SLCO1B3: variants seen among roughly 807,000 people sequenced by gnomAD.
SLCO1B3 encodes liver-specific organic anion transporter 2.
A neutral mutation model predicts 71.8 loss-of-function variants in SLCO1B3; 72 were observed. The ratio of observed to expected loss-of-function variants is 1.00; its 90% confidence interval spans 0.83 to 1.22. SLCO1B3 has a LOEUF of 1.22. Among genes scored for constraint, SLCO1B3 ranks in the 50% most tolerant of loss-of-function variants. The probability of loss-of-function intolerance (pLI) is 0.00; values close to 1 mark genes in which losing one functional copy is unlikely to be tolerated. For synonymous variants in SLCO1B3, 298 were observed against 278.4 expected (o/e 1.07, Z -0.70); for missense variants, 911 against 819.7 (o/e 1.11, Z -1.36).
chr12:20,815,412 GT>G (rs1864175448), intron 2 of SLCO1B3, among the ~76,000 whole-genome samples: 1 of 151,814 alleles, frequency 6.6e-6, no homozygotes, highest in African/African-American at 2.4e-5. Context: ...CTAGTGTGTG[GT>G]TTTATATTAT....
At chr12:20,878,492 A>G (rs1055409295) in intron 10 of SLCO1B3, among the ~76,000 whole-genome samples, 1 of 152,168 alleles carries the variant, frequency 6.6e-6, no homozygotes, top group African/African-American at 2.4e-5. Context: ...AGGAAAGGTT[A>G]TCTTATATCC....
At chr12:20,815,591 T>C in intron 2 of SLCO1B3, 83 bp from the exon 3 acceptor site, 1 of 567,582 alleles carries the variant, frequency 1.8e-6, no homozygotes, top group African/African-American at 1.9e-5. Context: ...GATTGATTGA[T>C]TGATATTGAG....
At chr12:20,844,584 C>A (rs145243538) in intron 3 of SLCO1B3, among the ~76,000 whole-genome samples, 1 of 151,798 alleles carries the variant, frequency 6.6e-6, no homozygotes, top group African/African-American at 2.4e-5. Flanking sequence ...AAAAAAAATT[C>A]CATCTTGCAT....
chr12:20,823,474 A>G (rs1419802081), intron 3 of SLCO1B3, among the ~76,000 whole-genome samples: 2 of 152,224 alleles, frequency 1.3e-5, no homozygotes, highest in Non-Finnish European at 2.9e-5. Flanking sequence ...TATAATTTAT[A>G]GAAGCATAAT....
chr12:20,860,619 G>GTC (rs1334071062), intron 5 of SLCO1B3, among the ~76,000 whole-genome samples: 6 of 151,824 alleles, frequency 4.0e-5, no homozygotes, highest in African/African-American at 1.2e-4. Context: ...GTGTGTGTGT[G>GTC]TGTGTGTGTG....
chr12:20,861,541 A>G (rs1428319353), intron 6 of SLCO1B3, among the ~76,000 whole-genome samples: 1 of 152,212 alleles, frequency 6.6e-6, no homozygotes, highest in African/African-American at 2.4e-5. Context: ...GATAAGAAAA[A>G]AGAACAAATT....
chr12:20,878,061 A>G (rs534506835), intron 10 of SLCO1B3, 125 bp downstream of exon 10: 45 of 605,538 alleles, frequency 7.4e-5, no homozygotes, highest in Non-Finnish European at 9.9e-5. Context: ...TATGTCTCAA[A>G]CTTTACAAAA....
At chr12:20,811,986 C>G (rs1218529713) in intron 1 of SLCO1B3, among the ~76,000 whole-genome samples, 1 of 147,000 alleles carries the variant, frequency 6.8e-6, no homozygotes. Context: ...CAGCTCACCA[C>G]AACCTCAGCC....
rs755570054 is a variant in SLCO1B3 at position 20,883,454 on chromosome 12, C to A, written c.1534C>A (p.Leu512Ile). ...CTGTAGTTGTGTGGAAGTAACTGGT[C>A]TCCAGAACAGAAATTACTCAGCACA... ...YNCSCVEVTGLQNRNYSAHLG... is the reference protein window; with the variant it reads ...YNCSCVEVTGIQNRNYSAHLG... The change falls in exon 13 of 16, where the codon CTC becomes ATC. Residue 512 changes from leucine (L) to isoleucine (I), a missense_variant. By Grantham distance (5) the Leu-to-Ile change is conservative. Transcript: ENST00000381545. The A allele has an allele frequency of 6.3e-7, 1 of 1,578,216 alleles. No homozygotes were observed.
In SLCO1B3 at chr12:20,877,804, A is replaced by G. The variant is rs758308277; in HGVS notation, c.1003A>G (p.Asn335Asp). 8 of 1,514,740 alleles carry G rather than the reference A, an allele frequency of 5.3e-6. No homozygotes were observed. The highest frequency in any genetic ancestry group is 7.1e-6 in the Non-Finnish European group (8 of 1,130,920). 93.8% of individuals were successfully genotyped at this position (1,514,740 alleles called of 1,614,324 possible). The change falls in exon 10 of 16, where the codon AAT (asparagine) becomes GAT (aspartate). Residue 335 changes from asparagine (N) to aspartate (D), a missense_variant. Asn to Asp is a conservative substitution (Grantham distance 23). Coordinates refer to ENST00000381545, the MANE Select transcript of SLCO1B3 (RefSeq NM_019844.4). Reference protein sequence around the residue: ...FFQSLKSILTNPLYVIFLLLT... With the variant: ...FFQSLKSILTDPLYVIFLLLT... ...CCAGTCTTTGAAAAGCATCCTTACC[A>G]ATCCCCTGTATGTTATATTTCTGCT...
intron 2 of SLCO1B3, 151 bp from the exon 3 acceptor site, chr12:20,815,523 A>G (rs1445879778): frequency 5.0e-6 from 2 of 403,868 alleles, no homozygotes; most frequent in African/African-American, 2.1e-5. Context: ...CTCTGTGTCC[A>G]GCATTGACCT....
At chr12:20,818,605 T>C (rs1864234133) in intron 3 of SLCO1B3, among the ~76,000 whole-genome samples, 2 of 152,040 alleles carry the variant, frequency 1.3e-5, no homozygotes, top group Admixed American at 1.3e-4. Flanking sequence ...GAGTAGCAGA[T>C]GGAATAGCAG....
intron 8 of SLCO1B3, among the ~76,000 whole-genome samples, chr12:20,871,361 T>A (rs986800686): frequency 6.6e-6 from 1 of 152,212 alleles, no homozygotes; most frequent in Non-Finnish European, 1.5e-5. Flanking sequence ...TATGTTGAAT[T>A]CTCTGTTTGA....
At chr12:20,822,027 G>C (rs548448033) in intron 3 of SLCO1B3, among the ~76,000 whole-genome samples, 1 of 152,224 alleles carries the variant, frequency 6.6e-6, no homozygotes, top group Non-Finnish European at 1.5e-5. Flanking sequence ...AGAGTAAAAA[G>C]AGGCCGCTTA....
rs530935415 is a variant in SLCO1B3 at position 20,877,097 on chromosome 12, C to T, written c.971-675C>T. On this transcript the variant is annotated intron_variant, in intron 9 of 15. Transcript: ENST00000381545. ...CCACCTGCCTTGGCCTCCCAAAGTG[C>T]TGGGATTACAGGCGTGAGCCACCAT... 6.6e-5 allele frequency among the ~76,000 whole-genome samples: 10 copies of T among 152,242 alleles called. No individual in the cohort carries two copies. The South Asian group carries it at 1.0e-3, about 16-fold the overall frequency.
intron 9 of SLCO1B3, among the ~76,000 whole-genome samples, chr12:20,875,980 G>A (rs767453968): frequency 9.2e-5 from 14 of 151,716 alleles, no homozygotes; most frequent in Non-Finnish European, 1.9e-4. Context: ...GTGTAGAGAT[G>A]AAATAAGGAG....
intron 10 of SLCO1B3, among the ~76,000 whole-genome samples, chr12:20,878,765 CACTT>C (rs1865632647): frequency 1.3e-5 from 2 of 152,170 alleles, no homozygotes; most frequent in East Asian, 1.9e-4. Flanking sequence ...CCTTTAATAA[CACTT>C]ACGGGACTGT....
chr12:20,829,283 A>G (rs545031664), intron 3 of SLCO1B3, among the ~76,000 whole-genome samples: 11 of 152,302 alleles, frequency 7.2e-5, no homozygotes, highest in African/African-American at 2.6e-4. Flanking sequence ...GACAAAAACT[A>G]CAATTCAGCT....
Position 20,815,821 on chromosome 12 carries a change from AG to A in SLCO1B3, c.84+1del. The A allele has an allele frequency of 6.4e-7, 1 of 1,572,056 alleles. No individual in the cohort carries two copies. The highest frequency in any genetic ancestry group is 8.7e-7 in the Non-Finnish European group (1 of 1,154,894). On this transcript the variant is annotated frameshift_variant and splice_region_variant, in exon 3 of 16. Transcript: ENST00000381545. LOFTEE classifies it high-confidence loss of function. ...AAAACAAGACGCTGCAATGGATTCA[AG>A]GTAGAATGGGTTTTATATTTTCAAA... ...KKKTRRCNGF[K>X]MFLAALSFSY...
Sources: allele counts gnomAD v4.1 joint callset (sites outside exome capture counted in the v4.1 genomes callset), GRCh38; gene constraint gnomAD v4.1.1; transcripts MANE v1.5; gene names NCBI Gene and HGNC (gene_info 2026-07-23, HGNC 2026-07-21).